KIRREL3: variants seen among roughly 807,000 people sequenced by gnomAD.
The protein encoded by KIRREL3 is kin of IRRE-like protein 3.
KIRREL3 carries 36 observed loss-of-function variants against 89.7 expected under a neutral mutation model. That is an observed-to-expected ratio of 0.40 (90% CI 0.31 to 0.53). The LOEUF (loss-of-function observed/expected upper bound fraction) is 0.53, where lower values mean the gene tolerates loss of function less well. Among genes scored for constraint, KIRREL3 ranks in the 20% least tolerant of loss-of-function variants. The probability of loss-of-function intolerance (pLI) is 0.49; values close to 1 mark genes in which losing one functional copy is unlikely to be tolerated. For missense variants in KIRREL3, 864 were observed against 1,056.6 expected (o/e 0.82, Z 2.53); for synonymous variants, 445 against 441.4 (o/e 1.01, Z -0.10).
At chr11:126,857,636 A>C (rs1381072128) in intron 1 of KIRREL3, among the ~76,000 whole-genome samples, 1 of 152,026 alleles carries the variant, frequency 6.6e-6, no homozygotes, top group Non-Finnish European at 1.5e-5. Context: ...CTTCATGGTC[A>C]TATGTCTTAA....
rs539366857 is a variant in KIRREL3, at chr11:126,975,102, G to A, written c.55+25353C>T. Reference sequence around the variant, plus strand: ...TGGGATTACAGGTGTGAGCCACTGCGCCTGGCCTCAAAACACTATTATTAT... The same window carrying A: ...TGGGATTACAGGTGTGAGCCACTGCACCTGGCCTCAAAACACTATTATTAT... On this transcript the variant is annotated intron_variant, in intron 1 of 16. Transcript: ENST00000525144. Among the ~76,000 whole-genome samples the A allele has an allele frequency of 9.9e-5, 15 of 152,136 alleles. No individual in the cohort carries two copies. The South Asian group carries it at 1.0e-3, about 11-fold the overall frequency.
rs1360657037 is a variant in KIRREL3, at chr11:126,656,151, T to G, written c.56-93239A>C. 1.1e-5 allele frequency: 5 copies of G among 456,070 alleles called. No individual in the cohort carries two copies. Among genetic ancestry groups the G allele is most frequent in the African/African-American group, 1.0e-4 (5 of 50,052 alleles). The allele number at this position is 456,070 out of a possible 1,614,324, so 28.3% of individuals were successfully genotyped here. A position where few individuals can be genotyped will look rare whatever the true frequency, so the allele number is the denominator to read the frequency against. On this transcript the variant is annotated intron_variant, in intron 1 of 16. Coordinates refer to ENST00000525144, the MANE Select transcript of KIRREL3 (RefSeq NM_032531.4). This position sits in a 1 kb window ranked among gnomAD's most constrained non-coding sequence, Gnocchi z 4.0. ...TCTCGGGAACCAGCAACACAGATGT[T>G]CCCAGGAGCAATGTTTGCAGGTGAG...
In KIRREL3 at chr11:126,837,665, A is replaced by G. The variant is rs1167185198; in HGVS notation, c.55+162790T>C. Among the ~76,000 whole-genome samples, 4 of 152,218 alleles carry G rather than the reference A, an allele frequency of 2.6e-5. No homozygotes were observed. Among genetic ancestry groups the G allele is most frequent in the African/African-American group, 7.2e-5 (3 of 41,456 alleles). ...ATCTCCTCTGAACTGAAGCATAGGT[A>G]GGCTAACTAAAAGTAATTTTACAAA... On this transcript the variant is annotated intron_variant, in intron 1 of 16. Transcript: ENST00000525144. This position sits in a 1 kb window ranked among gnomAD's most constrained non-coding sequence, Gnocchi z 4.7.
At position 126,459,961 on chromosome 11, in the gene KIRREL3, T is replaced by C. The variant is rs147117476; in HGVS notation, c.742+3196A>G. On this transcript the variant is annotated intron_variant, in intron 6 of 16. Coordinates refer to ENST00000525144, the MANE Select transcript of KIRREL3 (RefSeq NM_032531.4). This position sits in a 1 kb window ranked among gnomAD's most constrained non-coding sequence, Gnocchi z 4.8. The stretch of plus-strand genomic sequence containing the variant: ...AAGACCAAGAGAAACAAACAACAAA[T>C]GTGCTTTTGCTGAGTTTGGATGCTT... 6.6e-6 allele frequency among the ~76,000 whole-genome samples: 1 copy of C among 152,338 alleles called. No homozygotes were observed. The highest frequency in any genetic ancestry group is 1.5e-5 in the Non-Finnish European group (1 of 68,036).
intron 1 of KIRREL3, among the ~76,000 whole-genome samples, chr11:126,671,696 G>A (rs998050692): frequency 6.6e-6 from 1 of 151,758 alleles, no homozygotes; most frequent in Admixed American, 6.5e-5. Flanking sequence ...TATAGCATCT[G>A]TCATTAGGGA....
chr11:126,921,747 TTCTATCTATCTATCTA>T (rs201000548), intron 1 of KIRREL3, among the ~76,000 whole-genome samples: 6,004 of 134,948 alleles, frequency 0.044, 419 homozygotes, highest in African/African-American at 0.15. Flanking sequence ...TATATCTGTC[TTCTATCTATCTATCTA>T]TCTATCTATC....
At chr11:126,500,749 A>AAAAG (rs1555125523) in intron 4 of KIRREL3, among the ~76,000 whole-genome samples, 1 of 151,834 alleles carries the variant, frequency 6.6e-6, no homozygotes, top group Non-Finnish European at 1.5e-5. Flanking sequence ...CAAAAAAAAA[A>AAAAG]AAAAAGAAAA....
At position 126,923,205 on chromosome 11, in the gene KIRREL3, T is replaced by TTCTCC. The variant is rs1565423450; in HGVS notation, c.55+77249_55+77250insGGAGA. Among the ~76,000 whole-genome samples, 5 of 10,916 alleles carry TTCTCC rather than the reference T, an allele frequency of 4.6e-4. 2 individuals are homozygous for TTCTCC. Among genetic ancestry groups the TTCTCC allele is most frequent in the Non-Finnish European group, 4.8e-4 (3 of 6,284 alleles). 7.2% of individuals were successfully genotyped at this position (10,916 alleles called of 152,430 possible). On this transcript the variant is annotated intron_variant, in intron 1 of 16. Coordinates refer to ENST00000525144, the MANE Select transcript of KIRREL3 (RefSeq NM_032531.4). ...TCTTCTTCTCTTCTTCTTCTTCTTC[T>TTCTCC]TCTTCTTCTTCTTCTTCTTCTTCTT...
In KIRREL3 at chr11:126,486,623, A is replaced by G. The variant is rs905245810; in HGVS notation, c.434-13157T>C. On this transcript the variant is annotated intron_variant, in intron 4 of 16. Coordinates refer to ENST00000525144, the MANE Select transcript of KIRREL3 (RefSeq NM_032531.4). The surrounding 1 kb of genome is among the most constrained non-coding windows in gnomAD (Gnocchi z 6.2). ...ATCATGGTGGCTGCCGTGGACTTGT[A>G]TAATCCATGCTTCATGGTATGGTGG... Among the ~76,000 whole-genome samples, 6 of 152,212 alleles carry G rather than the reference A, an allele frequency of 3.9e-5. No homozygotes were observed. Among genetic ancestry groups the G allele is most frequent in the African/African-American group, 1.2e-4 (5 of 41,458 alleles).
At chr11:126,785,858 G>A (rs1950471279) in intron 1 of KIRREL3, among the ~76,000 whole-genome samples, 1 of 110,918 alleles carries the variant, frequency 9.0e-6, no homozygotes, top group African/African-American at 3.6e-5. Flanking sequence ...TGGTGACACA[G>A]CGAGACTCCG....
chr11:126,658,619 C>T (rs1234142852), intron 1 of KIRREL3, among the ~76,000 whole-genome samples: 1 of 152,218 alleles, frequency 6.6e-6, no homozygotes, highest in Non-Finnish European at 1.5e-5. Context: ...GCTGGATATA[C>T]TTTAATTACT....
In KIRREL3 at chr11:126,694,033, C is replaced by T. The variant is rs376011456; in HGVS notation, c.56-131121G>A. On this transcript the variant is annotated intron_variant, in intron 1 of 16. Coordinates refer to ENST00000525144, the MANE Select transcript of KIRREL3 (RefSeq NM_032531.4). The surrounding 1 kb of genome is among the most constrained non-coding windows in gnomAD (Gnocchi z 4.4). ...CCCAGGCAGCCACAGGTTGAAGAGG[C>T]GGAGGGAAGCGGCACAGCTCACAGT... Among the ~76,000 whole-genome samples, 21 of 152,158 alleles carry T rather than the reference C, an allele frequency of 1.4e-4. No homozygotes were observed. Among genetic ancestry groups the T allele is most frequent in the East Asian group, 1.2e-3 (6 of 5,182 alleles).
chr11:126,518,363 G>C (rs886653298), intron 4 of KIRREL3, among the ~76,000 whole-genome samples: 2 of 152,192 alleles, frequency 1.3e-5, no homozygotes, highest in African/African-American at 4.8e-5. Flanking sequence ...ATAATCTCTC[G>C]TATTTGCCCT....
intron 6 of KIRREL3, among the ~76,000 whole-genome samples, chr11:126,457,835 T>C (rs1337709356): frequency 1.3e-5 from 2 of 151,596 alleles, no homozygotes; most frequent in Admixed American, 1.3e-4. Flanking sequence ...AAAAGAGATA[T>C]GAAGGAGGAG....
chr11:126,842,135 G>C (rs1016613551), intron 1 of KIRREL3, among the ~76,000 whole-genome samples: 1 of 152,028 alleles, frequency 6.6e-6, no homozygotes, highest in African/African-American at 2.4e-5. Flanking sequence ...AAGGGGAGCC[G>C]CTGAGCCTGC....
Position 126,538,736 on chromosome 11 carries a change from G to T in KIRREL3, c.134-12049C>A, listed in dbSNP as rs115379671. On this transcript the variant is annotated intron_variant, in intron 2 of 16. Transcript: ENST00000525144. ...CTCTCAGGATGCCATGGTGCCTCAG[G>T]CATGAGCAGGAGCCACCTCAGCAAT... Among the ~76,000 whole-genome samples the T allele has an allele frequency of 2.8e-3, 430 of 152,280 alleles. 3 individuals are homozygous for T. The highest frequency in any genetic ancestry group is 9.4e-3 in the African/African-American group (392 of 41,552).
rs1459682456 is a variant in KIRREL3, at chr11:126,443,288, T to C, written c.1252+1691A>G. On this transcript the variant is annotated intron_variant, in intron 10 of 16. Transcript: ENST00000525144. The surrounding 1 kb of genome is among the most constrained non-coding windows in gnomAD (Gnocchi z 7.3). Reference sequence around the variant, plus strand: ...CAGCCTGACTTCCGAGTGCCCTGGCTGGCGCGGGCTGTGTGGAGGGCCGCT... The same window carrying C: ...CAGCCTGACTTCCGAGTGCCCTGGCCGGCGCGGGCTGTGTGGAGGGCCGCT... Among the ~76,000 whole-genome samples, 1 of 152,150 alleles carries C rather than the reference T, an allele frequency of 6.6e-6. No individual in the cohort carries two copies. The highest frequency in any genetic ancestry group is 1.5e-5 in the Non-Finnish European group (1 of 68,034).
intron 1 of KIRREL3, among the ~76,000 whole-genome samples, chr11:126,827,532 T>A (rs1056429426): frequency 1.3e-5 from 2 of 152,182 alleles, no homozygotes; most frequent in African/African-American, 4.8e-5. Context: ...TAGAGAATGA[T>A]AATATTGCCT....
chr11:126,616,725 T>C (rs1428250971), intron 1 of KIRREL3, among the ~76,000 whole-genome samples: 3 of 152,230 alleles, frequency 2.0e-5, no homozygotes, highest in Admixed American at 6.5e-5. Flanking sequence ...CACTCCAGCA[T>C]TGAATTCCTG....
Sources: gnomAD v4.1 joint callset for allele counts (sites outside exome capture counted in the v4.1 genomes callset) on GRCh38, gnomAD v4.1.1 for gene constraint, Gnocchi (gnomAD v3.1) non-coding constraint, MANE v1.5 for transcripts, NCBI Gene and HGNC (gene_info 2026-07-23, HGNC 2026-07-21) for gene names.